PIEZO2: variants seen among roughly 807,000 people sequenced by gnomAD.
PIEZO2 encodes piezo type mechanosensitive ion channel component 2, also known as piezo-type mechanosensitive ion channel component 2.
A neutral mutation model predicts 337.3 loss-of-function variants in PIEZO2; 172 were observed. The observed-to-expected ratio is 0.51, with a 90% CI of 0.45 to 0.58. The LOEUF (loss-of-function observed/expected upper bound fraction) is 0.58. PIEZO2 is among the 20% of genes least tolerant of loss of function. The probability of loss-of-function intolerance (pLI) is 0.00; values close to 1 mark genes in which losing one functional copy is unlikely to be tolerated. For missense variants in PIEZO2, 3,028 were observed against 3,391.3 expected (o/e 0.89, Z 2.66); for synonymous variants, 1,251 against 1,228.5 (o/e 1.02, Z -0.38).
Position 10,973,863 on chromosome 18 carries a change from T to C in PIEZO2, c.286+5672A>G, listed in dbSNP as rs1598766786. Among the ~76,000 whole-genome samples, 1 of 152,180 alleles carries C rather than the reference T, an allele frequency of 6.6e-6. No homozygotes were observed. On this transcript the variant is annotated intron_variant, in intron 3 of 55. Coordinates refer to ENST00000674853, the MANE Select transcript of PIEZO2 (RefSeq NM_001378183.1). The surrounding 1 kb of genome is among the most constrained non-coding windows in gnomAD (Gnocchi z 4.9). ...TATTTTGTCTCCCATTTCGTACTTA[T>C]TAGCTCTTTTCTCCAGGGTACTGTC...
chr18:10,908,255 A>G (rs1005193278), intron 4 of PIEZO2: 3 of 152,252 alleles, frequency 2.0e-5, no homozygotes, highest in African/African-American at 7.2e-5. Flanking sequence ...CAGTTACACA[A>G]CAGAAAGCGT....
In PIEZO2 at chr18:11,149,230, C is replaced by A. The variant is rs972391156; in HGVS notation, c.-642G>T. The stretch of plus-strand genomic sequence containing the variant: ...GAGAGGCAGCGCAGCTCAGCCCCTG[C>A]GCCCCCCAGCTTCGGGCCGGAGAGA... On this transcript the variant is annotated 5_prime_UTR_variant, in exon 1 of 56. Coordinates refer to ENST00000674853, the MANE Select transcript of PIEZO2 (RefSeq NM_001378183.1). This position sits in a 1 kb window ranked among gnomAD's most constrained non-coding sequence, Gnocchi z 8.7. Among the ~76,000 whole-genome samples the A allele has an allele frequency of 3.1e-4, 47 of 152,004 alleles. 1 individual carries two copies. Among genetic ancestry groups the A allele is most frequent in the African/African-American group, 1.1e-3 (44 of 41,408 alleles).
chr18:10,808,145 G>T (rs2040059209), intron 7 of PIEZO2, among the ~76,000 whole-genome samples: 1 of 152,120 alleles, frequency 6.6e-6, no homozygotes, highest in African/African-American at 2.4e-5. Context: ...CTGGAGTGCA[G>T]CAGCATGATC....
In PIEZO2 at chr18:11,089,973, A is replaced by G. The variant is rs533518203; in HGVS notation, c.65-23751T>C. 7.5e-4 allele frequency among the ~76,000 whole-genome samples: 115 copies of G among 152,340 alleles called. 1 individual carries two copies. The highest frequency in any genetic ancestry group is 2.6e-3 in the African/African-American group (108 of 41,580). On this transcript the variant is annotated intron_variant, in intron 1 of 55. Coordinates refer to ENST00000674853, the MANE Select transcript of PIEZO2 (RefSeq NM_001378183.1). The stretch of plus-strand genomic sequence containing the variant: ...TTCTCCTTACAGAGAAGGGAAGAGC[A>G]TAAGAGTGTAATCAGAGATTCTAAA...
At chr18:10,907,700 T>C (rs901068798) in intron 4 of PIEZO2, among the ~76,000 whole-genome samples, 1 of 152,126 alleles carries the variant, frequency 6.6e-6, no homozygotes, top group Non-Finnish European at 1.5e-5. Flanking sequence ...AGGCAGGGTG[T>C]CCACGAATGT....
At chr18:10,936,332 G>T (rs1002806432) in intron 3 of PIEZO2, among the ~76,000 whole-genome samples, 1 of 152,080 alleles carries the variant, frequency 6.6e-6, no homozygotes, top group Non-Finnish European at 1.5e-5. Context: ...ACCTTCATGG[G>T]ATTTATAAAG....
At chr18:10,816,930 G>C (rs1171168486) in intron 7 of PIEZO2, among the ~76,000 whole-genome samples, 1 of 152,068 alleles carries the variant, frequency 6.6e-6, no homozygotes, top group Non-Finnish European at 1.5e-5. Context: ...AAGATACGTT[G>C]GGGCTCATCA....
chr18:10,975,480 A>G (rs559651222), intron 3 of PIEZO2, among the ~76,000 whole-genome samples: 65 of 148,828 alleles, frequency 4.4e-4, no homozygotes, highest in South Asian at 8.6e-4. Flanking sequence ...AAATGAGGGG[A>G]AAAAAAAAAG....
At position 11,038,650 on chromosome 18, in the gene PIEZO2, C is replaced by A. The variant is rs1049857710; in HGVS notation, c.160+27477G>T. Among the ~76,000 whole-genome samples, 3 of 152,150 alleles carry A rather than the reference C, an allele frequency of 2.0e-5. No homozygotes were observed. The highest frequency in any genetic ancestry group is 1.9e-4 in the East Asian group (1 of 5,184). On this transcript the variant is annotated intron_variant, in intron 2 of 55. Transcript: ENST00000674853. This position sits in a 1 kb window ranked among gnomAD's most constrained non-coding sequence, Gnocchi z 4.1. ...AGAGCATTCCATCAGAGCCCAGAAA[C>A]GTGGCTTCCTCTACTGGCCCTACCA...
chr18:10,994,154 T>C (rs1273053626), intron 2 of PIEZO2, among the ~76,000 whole-genome samples: 1 of 152,198 alleles, frequency 6.6e-6, no homozygotes. Flanking sequence ...TAGTCTCCAA[T>C]CCCATCCCAG....
chr18:10,951,079 G>T (rs2033272998), intron 3 of PIEZO2, among the ~76,000 whole-genome samples: 1 of 152,142 alleles, frequency 6.6e-6, no homozygotes, highest in African/African-American at 2.4e-5. Context: ...AAGTCCAGGT[G>T]CTGAAACTAC....
At position 10,758,127 on chromosome 18, in the gene PIEZO2, G is replaced by A. The variant is rs1184087860; in HGVS notation, c.3765C>T (p.Phe1255=). The change falls in exon 27 of 56, where the codon TTC becomes TTT. Residue 1255 remains phenylalanine, a synonymous_variant. Coordinates refer to ENST00000674853, the MANE Select transcript of PIEZO2 (RefSeq NM_001378183.1). The part of the protein sequence containing the change: ...RPNPVFLVYD[F]MLLLCASLQR... ...GTAAGGAGGCACACAGAAGCAGCAT[G>A]AAGTCATCTAACAAGACAGAGGTGA... is the stretch of plus-strand genomic sequence containing the variant. 1 of 1,537,384 alleles carries A rather than the reference G, an allele frequency of 6.5e-7. No homozygotes were observed. The highest frequency in any genetic ancestry group is 1.4e-5 in the African/African-American group (1 of 73,020).
intron 36 of PIEZO2, among the ~76,000 whole-genome samples, chr18:10,729,420 G>A (rs577851525): frequency 5.3e-5 from 8 of 152,154 alleles, no homozygotes; most frequent in African/African-American, 1.7e-4. Flanking sequence ...GAGGTCAGGA[G>A]TTCAAGACCA....
At chr18:10,788,427 A>AGAGG (rs2039298988) in intron 15 of PIEZO2, among the ~76,000 whole-genome samples, 1 of 123,948 alleles carries the variant, frequency 8.1e-6, no homozygotes, top group Admixed American at 9.3e-5. Context: ...AAAAAGAAAG[A>AGAGG]AAGGAAGGAA....
Position 11,003,834 on chromosome 18 carries a change from G to A in PIEZO2, c.161-24174C>T, listed in dbSNP as rs143893203. Among the ~76,000 whole-genome samples, 444 of 152,300 alleles carry A rather than the reference G, an allele frequency of 2.9e-3. 1 individual carries two copies. The highest frequency in any genetic ancestry group is 0.01 in the African/African-American group (419 of 41,562). On this transcript the variant is annotated intron_variant, in intron 2 of 55. Transcript: ENST00000674853. The surrounding 1 kb of genome is among the most constrained non-coding windows in gnomAD (Gnocchi z 4.6). ...ACATGGGGGTGGACCTGGAAACAAA[G>A]TGATTTTTTCCCCTCATTGACATTG...
chr18:10,967,703 C>T (rs1316041130), intron 3 of PIEZO2, among the ~76,000 whole-genome samples: 1 of 152,080 alleles, frequency 6.6e-6, no homozygotes, highest in African/African-American at 2.4e-5. Context: ...CCATGTTGAG[C>T]GTTTTTTCAT....
At chr18:11,015,879 T>C (rs970038831) in intron 2 of PIEZO2, among the ~76,000 whole-genome samples, 5 of 152,244 alleles carry the variant, frequency 3.3e-5, no homozygotes, top group African/African-American at 1.2e-4. Flanking sequence ...GCACACATGT[T>C]CAACTTCATG....
At chr18:10,798,037 C>T (rs923384381) in intron 11 of PIEZO2, among the ~76,000 whole-genome samples, 2 of 152,248 alleles carry the variant, frequency 1.3e-5, no homozygotes, top group African/African-American at 4.8e-5. Context: ...GGTGTGAGAA[C>T]TGATGGCTCT....
chr18:10,712,430 T>C (rs1488568533), intron 39 of PIEZO2, among the ~76,000 whole-genome samples: 1 of 152,232 alleles, frequency 6.6e-6, no homozygotes, highest in African/African-American at 2.4e-5. Flanking sequence ...CAATGATCAA[T>C]AGATAGGGAG....
Sources: gnomAD v4.1 joint callset for allele counts (sites outside exome capture counted in the v4.1 genomes callset) on GRCh38, gnomAD v4.1.1 for gene constraint, Gnocchi (gnomAD v3.1) non-coding constraint, MANE v1.5 for transcripts, NCBI Gene and HGNC (gene_info 2026-07-23, HGNC 2026-07-21) for gene names.